Variants in DPYSL2 observed in about 807,000 individuals in gnomAD.
DPYSL2 encodes dihydropyrimidinase like 2.
DPYSL2 carries 13 observed loss-of-function variants against 69.9 expected under a neutral mutation model. The observed-to-expected ratio is 0.19, with a 90% CI of 0.12 to 0.30. The LOEUF is 0.30. Ranked by LOEUF, DPYSL2 falls within the 10% of genes least tolerant of loss-of-function variation. DPYSL2 has a pLI of 1.00. For synonymous variants in DPYSL2, 326 were observed against 359.1 expected, an observed-to-expected ratio of 0.91 and a Z score of 1.04; for missense variants, 587 against 918.9, an observed-to-expected ratio of 0.64 and a Z score of 4.67.
In DPYSL2 at chr8:26,597,268, C is replaced by T. The variant is rs1585534474; in HGVS notation, c.628+13285C>T. ...TCATCAACTGAACTTAATCCTTCTTCTGGGAGGCCCGGGAGCCTTCTTCCA... is the reference window on the plus strand; with the variant it reads ...TCATCAACTGAACTTAATCCTTCTTTTGGGAGGCCCGGGAGCCTTCTTCCA... On this transcript the variant is annotated intron_variant, in intron 3 of 13. Transcript: ENST00000521913. The surrounding 1 kb of genome is among the most constrained non-coding windows in gnomAD (Gnocchi z 5.2). Among the ~76,000 whole-genome samples, 2 of 152,204 alleles carry T rather than the reference C, an allele frequency of 1.3e-5. No individual in the cohort carries two copies. Among genetic ancestry groups the T allele is most frequent in the Non-Finnish European group, 2.9e-5 (2 of 68,034 alleles).
intron 1 of DPYSL2, among the ~76,000 whole-genome samples, chr8:26,553,147 A>G (rs1301571436): frequency 6.6e-6 from 1 of 152,246 alleles, no homozygotes; most frequent in Non-Finnish European, 1.5e-5. Context: ...TATTAAAGAA[A>G]TACAATAGAA....
intron 3 of DPYSL2, among the ~76,000 whole-genome samples, chr8:26,618,778 C>CAAAAAAA (rs71216765): frequency 1.9e-4 from 16 of 85,136 alleles, no homozygotes; most frequent in East Asian, 3.3e-4. Flanking sequence ...CCATCTCTAC[C>CAAAAAAA]AAAAAAAAAA....
intron 3 of DPYSL2, among the ~76,000 whole-genome samples, chr8:26,590,149 G>T (rs1248307233): frequency 6.6e-6 from 1 of 152,222 alleles, no homozygotes; most frequent in East Asian, 1.9e-4. Flanking sequence ...GCACTCATTT[G>T]ACTCGGGTTA....
intron 3 of DPYSL2, among the ~76,000 whole-genome samples, chr8:26,618,747 C>T (rs1802414757): frequency 7.0e-6 from 1 of 143,726 alleles, no homozygotes; most frequent in Non-Finnish European, 1.5e-5. Context: ...TCGAGATCAG[C>T]CTGGCCAACA....
At chr8:26,579,035 C>G (rs1458094015) in intron 1 of DPYSL2, among the ~76,000 whole-genome samples, 2 of 152,016 alleles carry the variant, frequency 1.3e-5, no homozygotes, top group Non-Finnish European at 2.9e-5. Flanking sequence ...CGTCTCTTTT[C>G]CGCCCCTTCT....
At chr8:26,567,761 C>T (rs1048700160) in intron 1 of DPYSL2, among the ~76,000 whole-genome samples, 3 of 152,150 alleles carry the variant, frequency 2.0e-5, no homozygotes, top group East Asian at 1.9e-4. Flanking sequence ...CAGCCCGGCA[C>T]GCACAGGGAA....
chr8:26,569,386 A>C (rs1203898995), intron 1 of DPYSL2, among the ~76,000 whole-genome samples: 4 of 147,336 alleles, frequency 2.7e-5, no homozygotes, highest in Non-Finnish European at 4.5e-5. Context: ...ACAAAAAAAA[A>C]CCAAAGAAAA....
At position 26,569,345 on chromosome 8, in the gene DPYSL2, C is replaced by A. The variant is rs183177598; in HGVS notation, c.355-12624C>A. Among the ~76,000 whole-genome samples, 27 of 127,914 alleles carry A rather than the reference C, an allele frequency of 2.1e-4. 2 individuals carry two copies. The East Asian group carries it at 7.0e-3, about 33-fold the overall frequency. The allele number at this position is 127,914 out of a possible 152,430, so 83.9% of individuals were successfully genotyped here. On this transcript the variant is annotated intron_variant, in intron 1 of 13. Transcript: ENST00000521913. ...CTCTAGCCTGGGTGACAGGGCAAGA[C>A]CCTATCTCCAAAAAAAAAACAAAAA...
In DPYSL2 at chr8:26,586,844, G is replaced by T. The variant is rs1801617118; in HGVS notation, c.628+2861G>T. Among the ~76,000 whole-genome samples, 1 of 152,206 alleles carries T rather than the reference G, an allele frequency of 6.6e-6. No individual in the cohort carries two copies. The highest frequency in any genetic ancestry group is 6.5e-5 in the Admixed American group (1 of 15,280). ...CATTTGCACGGAGGCTGTGTGATGC[G>T]ATCTGGCTATAGAGTGGGGCATCCA... On this transcript the variant is annotated intron_variant, in intron 3 of 13. Coordinates refer to ENST00000521913, the MANE Select transcript of DPYSL2 (RefSeq NM_001197293.3). This position sits in a 1 kb window ranked among gnomAD's most constrained non-coding sequence, Gnocchi z 4.7.
Position 26,654,261 on chromosome 8 carries a change from G to A in DPYSL2, c.1942+864G>A, listed in dbSNP as rs1350254292. 6.6e-6 allele frequency among the ~76,000 whole-genome samples: 1 copy of A among 152,174 alleles called. No individual in the cohort carries two copies. Among genetic ancestry groups the A allele is most frequent in the Non-Finnish European group, 1.5e-5 (1 of 68,034 alleles). ...AGTTGTATTTGCTTGGGTAATTTGT[G>A]TGATATCCCCTTGGTGAGAGGAAAG... On this transcript the variant is annotated intron_variant, in intron 13 of 13. Transcript: ENST00000521913. This position sits in a 1 kb window ranked among gnomAD's most constrained non-coding sequence, Gnocchi z 5.0.
At position 26,650,222 on chromosome 8, in the gene DPYSL2, G is replaced by C. The variant is rs979732721; in HGVS notation, c.1597-2035G>C. Among the ~76,000 whole-genome samples the C allele has an allele frequency of 6.6e-6, 1 of 152,246 alleles. No individual in the cohort carries two copies. Among genetic ancestry groups the C allele is most frequent in the African/African-American group, 2.4e-5 (1 of 41,472 alleles). On this transcript the variant is annotated intron_variant, in intron 11 of 13. Coordinates refer to ENST00000521913, the MANE Select transcript of DPYSL2 (RefSeq NM_001197293.3). This position sits in a 1 kb window ranked among gnomAD's most constrained non-coding sequence, Gnocchi z 5.3. Reference sequence around the variant, plus strand: ...TCACAGATGAGGAGGTGGAGGCTCAGGGGTGTGAGGGATGCATCCAAAGTC... The same window carrying C: ...TCACAGATGAGGAGGTGGAGGCTCACGGGTGTGAGGGATGCATCCAAAGTC...
Position 26,627,233 on chromosome 8 carries a change from G to A in DPYSL2, c.874G>A (p.Val292Met). 6.2e-7 allele frequency: 1 copy of A among 1,614,200 alleles called. No homozygotes were observed. Among genetic ancestry groups the A allele is most frequent in the Non-Finnish European group, 8.5e-7 (1 of 1,180,026 alleles). ...CTCTCAGATTTATGAAGTACTGAGT[G>A]TGATCCGGGATATTGGCGCCATAGC... ...TDCQIYEVLS[V>M]IRDIGAIAQV... is the part of the protein sequence containing the mutation. Residue 292 changes from valine to methionine, a missense_variant, in exon 6 of 14, where the codon GTG (valine) becomes ATG (methionine). Coordinates refer to ENST00000521913, the MANE Select transcript of DPYSL2 (RefSeq NM_001197293.3). The surrounding 1 kb of genome is among the most constrained non-coding windows in gnomAD (Gnocchi z 6.9).
chr8:26,553,945 C>A (rs1585504771), intron 1 of DPYSL2, among the ~76,000 whole-genome samples: 2 of 134,766 alleles, frequency 1.5e-5, no homozygotes, highest in African/African-American at 5.6e-5. Context: ...GCCACCCATG[C>A]TGGAGTGCAG....
In DPYSL2 at chr8:26,577,692, C is replaced by A. The variant is rs1334030101; in HGVS notation, c.355-4277C>A. ...GGCCGCCGCCAAACCCGGTCCCCAC[C>A]GCCCCGGCCCGAAGAAAGCGCGCGA... is the stretch of plus-strand genomic sequence containing the variant. On this transcript the variant is annotated intron_variant, in intron 1 of 13. Transcript: ENST00000521913. The A allele has an allele frequency of 5.1e-6, 3 of 590,484 alleles. No individual in the cohort carries two copies. In the East Asian group the frequency reaches 4.3e-4, roughly 85 times the overall value. The allele number at this position is 590,484 out of a possible 1,614,324, so 36.6% of individuals were successfully genotyped here.
intron 1 of DPYSL2, among the ~76,000 whole-genome samples, chr8:26,531,969 G>T (rs1238656323): frequency 2.0e-5 from 3 of 152,086 alleles, no homozygotes; most frequent in African/African-American, 7.2e-5. Flanking sequence ...AAGACAGGTG[G>T]TTTGCCAGGG....
At chr8:26,645,940 A>G (rs577127243) in intron 10 of DPYSL2, among the ~76,000 whole-genome samples, 174 of 151,884 alleles carry the variant, frequency 1.1e-3, no homozygotes, top group African/African-American at 4.1e-3. Flanking sequence ...ATCTTGGCTC[A>G]CTGCAACGTC....
intron 3 of DPYSL2, among the ~76,000 whole-genome samples, chr8:26,612,048 T>A (rs1229467556): frequency 6.6e-6 from 1 of 152,242 alleles, no homozygotes; most frequent in Non-Finnish European, 1.5e-5. Flanking sequence ...AAATTGTCAG[T>A]AACTTCTTTG....
At chr8:26,567,550 A>G (rs547942966) in intron 1 of DPYSL2, among the ~76,000 whole-genome samples, 1 of 152,394 alleles carries the variant, frequency 6.6e-6, no homozygotes, top group South Asian at 2.1e-4. Context: ...GAGACACTGT[A>G]TAAGGAAATA....
At position 26,626,240 on chromosome 8, in the gene DPYSL2, A is replaced by G. The variant is rs374959417; in HGVS notation, c.794-377A>G. Among the ~76,000 whole-genome samples, 6 of 152,278 alleles carry G rather than the reference A, an allele frequency of 3.9e-5. No individual in the cohort carries two copies. The highest frequency in any genetic ancestry group is 4.1e-4 in the South Asian group (2 of 4,828). On this transcript the variant is annotated intron_variant, in intron 4 of 13. Coordinates refer to ENST00000521913, the MANE Select transcript of DPYSL2 (RefSeq NM_001197293.3). This position sits in a 1 kb window ranked among gnomAD's most constrained non-coding sequence, Gnocchi z 4.3. ...ATTTGGTTTATTCATTTATCAGTTA[A>G]TGGAGGCTTGATTTTTGCTTCCACC...
Sources: gnomAD v4.1 joint callset for allele counts (sites outside exome capture counted in the v4.1 genomes callset) on GRCh38, gnomAD v4.1.1 for gene constraint, Gnocchi (gnomAD v3.1) non-coding constraint, MANE v1.5 for transcripts, NCBI Gene and HGNC (gene_info 2026-07-23, HGNC 2026-07-21) for gene names.